MGLL: variants seen among roughly 807,000 people sequenced by gnomAD.
The protein encoded by MGLL is lysophospholipase homolog.
In MGLL, 7 loss-of-function variants were observed where a neutral mutation model predicts 29.1. The ratio of observed to expected loss-of-function variants is 0.24; its 90% CI spans 0.14 to 0.45. MGLL has a LOEUF of 0.45. Among genes scored for constraint, MGLL ranks in the 20% least tolerant of loss-of-function variants. The pLI is 0.99. For synonymous variants in MGLL, 148 were observed against 168.3 expected, an observed-to-expected ratio of 0.88 and a Z score of 0.93; for missense variants, 356 against 413.6, an observed-to-expected ratio of 0.86 and a Z score of 1.21.
intron 3 of MGLL, among the ~76,000 whole-genome samples, chr3:127,724,892 G>A (rs528599680): frequency 1.3e-5 from 2 of 152,008 alleles, no homozygotes; most frequent in Non-Finnish European, 2.9e-5. Flanking sequence ...TGAAAACATG[G>A]GGACAGTCTA....
intron 4 of MGLL, among the ~76,000 whole-genome samples, chr3:127,721,457 C>T (rs2075920582): frequency 6.7e-6 from 1 of 148,576 alleles, no homozygotes; most frequent in Non-Finnish European, 1.5e-5. Context: ...ATTTCAAGCC[C>T]AAAGCTGGCA....
chr3:127,785,832 G>A (rs536032218), intron 2 of MGLL, among the ~76,000 whole-genome samples: 4 of 152,220 alleles, frequency 2.6e-5, no homozygotes, highest in African/African-American at 4.8e-5. Context: ...CAGAGAACAC[G>A]CCTGTGAGTG....
intron 3 of MGLL, among the ~76,000 whole-genome samples, chr3:127,780,156 C>T (rs552937254): frequency 6.6e-6 from 1 of 152,276 alleles, no homozygotes; most frequent in African/African-American, 2.4e-5. Context: ...AAAAAGGAGG[C>T]TTTTAAAATT....
intron 3 of MGLL, among the ~76,000 whole-genome samples, chr3:127,776,665 A>G (rs1335756253): frequency 2.0e-5 from 3 of 152,040 alleles, no homozygotes; most frequent in African/African-American, 7.2e-5. Context: ...TGGTCACCAG[A>G]CTCAGGTCCA....
intron 3 of MGLL, among the ~76,000 whole-genome samples, chr3:127,778,380 C>T (rs561405894): frequency 6.6e-6 from 1 of 152,366 alleles, no homozygotes; most frequent in East Asian, 1.9e-4. Flanking sequence ...TGGTCTTGCT[C>T]AGAGCCCTGG....
chr3:127,714,811 G>A (rs1426928371), intron 5 of MGLL, among the ~76,000 whole-genome samples: 1 of 152,296 alleles, frequency 6.6e-6, no homozygotes, highest in South Asian at 2.1e-4. Flanking sequence ...ACCCATGAAG[G>A]AGACTTCTAG....
At chr3:127,811,181 TCTCTCA>T (rs2077655934) in intron 2 of MGLL, among the ~76,000 whole-genome samples, 10 of 149,662 alleles carry the variant, frequency 6.7e-5, no homozygotes, top group Admixed American at 2.0e-4. Context: ...GGAATCATCC[TCTCTCA>T]GTCATCCCAC....
At chr3:127,752,762 T>G (rs767615503) in intron 3 of MGLL, among the ~76,000 whole-genome samples, 3 of 152,172 alleles carry the variant, frequency 2.0e-5, no homozygotes, top group Non-Finnish European at 4.4e-5. Context: ...CAAAACCGGC[T>G]GAGCTTCCCC....
At chr3:127,741,474 T>C (rs1015218301) in intron 3 of MGLL, among the ~76,000 whole-genome samples, 8 of 152,216 alleles carry the variant, frequency 5.3e-5, no homozygotes, top group Non-Finnish European at 1.0e-4. Context: ...AGCCGCCTGG[T>C]GTGGGCTTAC....
At chr3:127,743,110 C>T (rs2076375896) in intron 3 of MGLL, among the ~76,000 whole-genome samples, 1 of 152,204 alleles carries the variant, frequency 6.6e-6, no homozygotes, top group South Asian at 2.1e-4. Flanking sequence ...CCACCGCACC[C>T]AGCCTGTTTG....
At chr3:127,702,999 C>G (rs932850920) in intron 6 of MGLL, among the ~76,000 whole-genome samples, 2 of 152,184 alleles carry the variant, frequency 1.3e-5, no homozygotes, top group Admixed American at 6.5e-5. Flanking sequence ...CCATCCAGCC[C>G]TAGCATCCAC....
At chr3:127,781,179 G>A (rs1163238205) in intron 3 of MGLL, among the ~76,000 whole-genome samples, 5 of 152,138 alleles carry the variant, frequency 3.3e-5, no homozygotes, top group Non-Finnish European at 7.4e-5. Flanking sequence ...GTGCACATGT[G>A]TATGTATGTG....
chr3:127,747,232 A>T (rs2076464506), intron 3 of MGLL, among the ~76,000 whole-genome samples: 2 of 152,122 alleles, frequency 1.3e-5, no homozygotes, highest in South Asian at 4.1e-4. Context: ...GCCTCCAGGC[A>T]GCAACCACTC....
At chr3:127,716,639 C>T (rs2075820904) in intron 5 of MGLL, among the ~76,000 whole-genome samples, 1 of 152,218 alleles carries the variant, frequency 6.6e-6, no homozygotes, top group Admixed American at 6.5e-5. Context: ...CTTTATTGAT[C>T]CAGAAGGTTT....
chr3:127,774,753 A>G (rs2077005137), intron 3 of MGLL, among the ~76,000 whole-genome samples: 1 of 152,132 alleles, frequency 6.6e-6, no homozygotes, highest in African/African-American at 2.4e-5. Flanking sequence ...GGCTGTTAGA[A>G]ATGCACATTC....
chr3:127,710,547 TACCC>T, intron 6 of MGLL, 25 bp downstream of exon 6: 1 of 1,518,432 alleles, frequency 6.6e-7, no homozygotes, highest in Non-Finnish European at 9.0e-7. Context: ...CCACCCAAGC[TACCC>T]CTGGGGTTTC....
chr3:127,811,427 C>T lies in MGLL; in HGVS notation c.155+10267G>A, dbSNP rs182566484. On this transcript the variant is annotated intron_variant, in intron 2 of 7. Transcript: ENST00000265052. ...TGGGAACTTGCTGGAGAGTCTAGAGCTGGTACCTTGTCTAAAGTTACTCAG... is the reference window on the plus strand; with the variant it reads ...TGGGAACTTGCTGGAGAGTCTAGAGTTGGTACCTTGTCTAAAGTTACTCAG... Among the ~76,000 whole-genome samples, 470 of 152,340 alleles carry T rather than the reference C, an allele frequency of 3.1e-3. 3 individuals carry two copies. The highest frequency in any genetic ancestry group is 0.01 in the African/African-American group (434 of 41,580).
intron 3 of MGLL, among the ~76,000 whole-genome samples, chr3:127,763,226 G>A (rs2076797058): frequency 6.6e-6 from 1 of 152,212 alleles, no homozygotes; most frequent in South Asian, 2.1e-4. Flanking sequence ...CCAGGGGACA[G>A]GTGTGCCAGA....
At chr3:127,738,320 T>A (rs898308037) in intron 3 of MGLL, among the ~76,000 whole-genome samples, 36 of 146,572 alleles carry the variant, frequency 2.5e-4, no homozygotes, top group Admixed American at 5.4e-4. Flanking sequence ...AAAAAAAAAA[T>A]GTGTTCTTGG....
Sources: allele counts gnomAD v4.1 joint callset (sites outside exome capture counted in the v4.1 genomes callset), GRCh38; gene constraint gnomAD v4.1.1; transcripts MANE v1.5; gene names NCBI Gene and HGNC (gene_info 2026-07-23, HGNC 2026-07-21).